Variants in UGT1A9 observed in about 807,000 individuals in gnomAD.
UGT1A9 encodes UDP-glucuronosyltransferase 1A9.
A neutral mutation model predicts 45.0 loss-of-function variants in UGT1A9; 35 were observed. The ratio of observed to expected loss-of-function variants is 0.78; its 90% CI spans 0.59 to 1.03. The LOEUF is 1.03. Among genes scored for constraint, UGT1A9 ranks in the 50% least tolerant of loss-of-function variants. The pLI is 0.00. For synonymous variants in UGT1A9, 278 were observed against 250.6 expected, an observed-to-expected ratio of 1.11 and a Z score of -1.03; for missense variants, 687 against 666.6, an observed-to-expected ratio of 1.03 and a Z score of -0.34.
chr2:233,696,602 T>C (rs1304654610), intron 1 of UGT1A9, among the ~76,000 whole-genome samples: 1 of 136,470 alleles, frequency 7.3e-6, no homozygotes, highest in Non-Finnish European at 1.6e-5. Context: ...CCAACTTGGA[T>C]GCCCTTTCTT....
At chr2:233,759,038 G>T (rs1395341840) in intron 1 of UGT1A9, among the ~76,000 whole-genome samples, 2 of 152,168 alleles carry the variant, frequency 1.3e-5, no homozygotes, top group African/African-American at 2.4e-5. Context: ...TTGGTTTCCT[G>T]TTGTGAACAA....
At chr2:233,706,277 G>A (rs1335130359) in intron 1 of UGT1A9, among the ~76,000 whole-genome samples, 2 of 152,100 alleles carry the variant, frequency 1.3e-5, no homozygotes, top group East Asian at 3.9e-4. Flanking sequence ...CAACCTCAGG[G>A]GTGGGGCCCA....
intron 1 of UGT1A9, among the ~76,000 whole-genome samples, chr2:233,724,344 C>A (rs2077229957): frequency 6.9e-6 from 1 of 144,926 alleles, no homozygotes; most frequent in Non-Finnish European, 1.5e-5. Context: ...GGGCTGACCC[C>A]CCCCACCTCC....
intron 1 of UGT1A9, chr2:233,755,273 G>GGA: frequency 1.3e-6 from 1 of 755,874 alleles, no homozygotes. Flanking sequence ...CCACTATGCT[G>GGA]GACTGCCAAA....
chr2:233,768,875 C>T (rs543311550), intron 4 of UGT1A9, among the ~76,000 whole-genome samples: 45 of 152,066 alleles, frequency 3.0e-4, no homozygotes, highest in African/African-American at 8.0e-4. Context: ...TGAGCCAGCG[C>T]GTCTGACCTG....
chr2:233,748,637 G>C (rs1693996531), intron 1 of UGT1A9, among the ~76,000 whole-genome samples: 1 of 151,746 alleles, frequency 6.6e-6, no homozygotes, highest in South Asian at 2.1e-4. Flanking sequence ...TGTGATTATA[G>C]AATTACACAC....
chr2:233,746,172 C>A (rs766361306), intron 1 of UGT1A9, among the ~76,000 whole-genome samples: 1 of 151,822 alleles, frequency 6.6e-6, no homozygotes, highest in Non-Finnish European at 1.5e-5. Flanking sequence ...AAAATCTTGC[C>A]TGTAAGGAAT....
At chr2:233,686,255 T>C (rs1302039353) in intron 1 of UGT1A9, among the ~76,000 whole-genome samples, 1 of 152,066 alleles carries the variant, frequency 6.6e-6, no homozygotes, top group African/African-American at 2.4e-5. Flanking sequence ...TGAGATTTTT[T>C]TTTTTCTTGT....
At chr2:233,717,367 G>C (rs1460875817) in intron 1 of UGT1A9, among the ~76,000 whole-genome samples, 2 of 152,204 alleles carry the variant, frequency 1.3e-5, no homozygotes, top group African/African-American at 4.8e-5. Context: ...GAGTTCTCAA[G>C]CCCTTACAGA....
intron 1 of UGT1A9, among the ~76,000 whole-genome samples, chr2:233,710,181 C>T (rs1477662266): frequency 6.6e-6 from 1 of 152,106 alleles, no homozygotes; most frequent in Admixed American, 6.5e-5. Context: ...TATTGATGGA[C>T]ATGTGGATAG....
chr2:233,711,423 C>G (rs2076180773), intron 1 of UGT1A9, among the ~76,000 whole-genome samples: 1 of 152,194 alleles, frequency 6.6e-6, no homozygotes. Context: ...CAGGAGGGTG[C>G]TTAGGATGCA....
intron 1 of UGT1A9, among the ~76,000 whole-genome samples, chr2:233,748,554 C>T (rs1045487950): frequency 2.0e-5 from 3 of 151,692 alleles, no homozygotes; most frequent in Non-Finnish European, 2.9e-5. Context: ...CCTAAGCACT[C>T]GCAGGAAGTA....
intron 1 of UGT1A9, chr2:233,717,989 CTG>C (rs1276445819): frequency 4.5e-6 from 2 of 440,050 alleles, no homozygotes; most frequent in Non-Finnish European, 9.1e-6. Flanking sequence ...GGAATTCAGA[CTG>C]TGCAAGATCT....
chr2:233,772,354 T>A lies in UGT1A9; in HGVS notation c.1388T>A (p.Met463Lys). The change falls in exon 5 of 5, where the codon ATG becomes AAG. Residue 463 changes from methionine (M) to lysine (K), a missense_variant. Coordinates refer to ENST00000354728, the MANE Select transcript of UGT1A9 (RefSeq NM_021027.3). Reference sequence around the variant, plus strand: ...GCCGTGTTCTGGGTGGAGTTTGTGATGAGGCACAAGGGCGCGCCACACCTG... The same window carrying A: ...GCCGTGTTCTGGGTGGAGTTTGTGAAGAGGCACAAGGGCGCGCCACACCTG... ...DLAVFWVEFVMRHKGAPHLRP... is the reference protein window; with the variant it reads ...DLAVFWVEFVKRHKGAPHLRP... 1.2e-6 allele frequency: 2 copies of A among 1,614,252 alleles called. No homozygotes were observed. The highest frequency in any genetic ancestry group is 1.7e-6 in the Non-Finnish European group (2 of 1,180,050).
intron 1 of UGT1A9, among the ~76,000 whole-genome samples, chr2:233,731,422 C>T (rs547999595): frequency 2.0e-5 from 3 of 152,028 alleles, no homozygotes; most frequent in Non-Finnish European, 4.4e-5. Context: ...TTTCCTAATG[C>T]CATCCCTCCC....
At chr2:233,706,901 C>T (rs976577483) in intron 1 of UGT1A9, among the ~76,000 whole-genome samples, 2 of 152,168 alleles carry the variant, frequency 1.3e-5, no homozygotes, top group African/African-American at 4.8e-5. Flanking sequence ...AGGCATTTTA[C>T]AATCCTAGCT....
chr2:233,696,295 C>T (rs1346602258), intron 1 of UGT1A9, among the ~76,000 whole-genome samples: 7 of 152,172 alleles, frequency 4.6e-5, no homozygotes, highest in African/African-American at 1.2e-4. Flanking sequence ...ACTGTAATAT[C>T]GTGAAATATA....
At chr2:233,740,742 A>T (rs1322255847) in intron 1 of UGT1A9, 3 of 151,738 alleles carry the variant, frequency 2.0e-5, no homozygotes, top group African/African-American at 4.9e-5. Context: ...GCCCCCTTTT[A>T]CACTCTGAAA....
rs1402527560 is a variant in UGT1A9, at chr2:233,772,791, CAT to C, written c.*233_*234del. On this transcript the variant is annotated 3_prime_UTR_variant, in exon 5 of 5. Transcript: ENST00000354728. Reference sequence around the variant, plus strand: ...CCTCTGGTGTCTTTGATCAGGATGACATGTGCCATTTTTCAGAGGACGTGCAG... The same window carrying C: ...CCTCTGGTGTCTTTGATCAGGATGACGTGCCATTTTTCAGAGGACGTGCAG... The C allele has an allele frequency of 3.3e-6, 4 of 1,224,574 alleles. No homozygotes were observed. The highest frequency in any genetic ancestry group is 1.7e-5 in the South Asian group (1 of 59,936). The allele number at this position is 1,224,574 out of a possible 1,614,324, so 75.9% of individuals were successfully genotyped here. A position where few individuals can be genotyped will look rare whatever the true frequency, so the allele number is the denominator to read the frequency against.
Sources: gnomAD v4.1 joint callset for allele counts (sites outside exome capture counted in the v4.1 genomes callset) on GRCh38, gnomAD v4.1.1 for gene constraint, MANE v1.5 for transcripts, NCBI Gene and HGNC (gene_info 2026-07-23, HGNC 2026-07-21) for gene names.